The following CDK5RAP1 variants were observed in gnomAD, a reference collection of about 807,000 sequenced individuals.
The protein encoded by CDK5RAP1 is mitochondrial tRNA methylthiotransferase CDK5RAP1.
Under a neutral mutation model 64.5 loss-of-function variants are expected in CDK5RAP1, and 62 were observed. The observed-to-expected ratio is 0.96, with a 90% CI of 0.78 to 1.19. The LOEUF (loss-of-function observed/expected upper bound fraction) is 1.19. Ranked by LOEUF, CDK5RAP1 falls within the 50% of genes most tolerant of loss-of-function variation. The probability of loss-of-function intolerance (pLI) is 0.00; values close to 1 mark genes in which losing one functional copy is unlikely to be tolerated. For synonymous variants in CDK5RAP1, 250 were observed against 261.9 expected (o/e 0.95, Z 0.44); for missense variants, 657 against 735.0 (o/e 0.89, Z 1.23).
chr20:33,378,233 CA>C (rs1390638337), intron 8 of CDK5RAP1, among the ~76,000 whole-genome samples: 1 of 152,082 alleles, frequency 6.6e-6, no homozygotes, highest in African/African-American at 2.4e-5. Context: ...GGCCCAATTT[CA>C]ATATTGTTGT....
intron 4 of CDK5RAP1, among the ~76,000 whole-genome samples, chr20:33,392,606 T>C (rs1988445131): frequency 6.6e-6 from 1 of 152,076 alleles, no homozygotes; most frequent in African/African-American, 2.4e-5. Flanking sequence ...AATGTGTATC[T>C]GCCATTCAGA....
intron 10 of CDK5RAP1, 139 bp from the exon 11 acceptor site, chr20:33,370,768 TAC>T: frequency 1.2e-6 from 1 of 808,198 alleles, no homozygotes; most frequent in South Asian, 1.7e-5. Context: ...AACAAAATAG[TAC>T]AGAGTAAGGC....
chr20:33,367,784 T>C (rs1984266872), intron 11 of CDK5RAP1, among the ~76,000 whole-genome samples: 1 of 152,242 alleles, frequency 6.6e-6, no homozygotes, highest in African/African-American at 2.4e-5. Flanking sequence ...GTGTGTATTA[T>C]ATCTTTATGA....
At position 33,366,857 on chromosome 20, in the gene CDK5RAP1, A is replaced by AC; in HGVS notation, c.1542+1dup. On this transcript the variant is annotated splice_donor_variant, in intron 12 of 13. Transcript: ENST00000346416. LOFTEE classifies it high-confidence loss of function. ...ACATAACACACACACATATGGCCTCACCCCTTCCACTAGCACCAACTGGGT... is the reference window on the plus strand; with the variant it reads ...ACATAACACACACACATATGGCCTCACCCCCTTCCACTAGCACCAACTGGGT... The AC allele has an allele frequency of 6.2e-7, 1 of 1,611,664 alleles. No individual in the cohort carries two copies. Among genetic ancestry groups the AC allele is most frequent in the Non-Finnish European group, 8.5e-7 (1 of 1,179,336 alleles).
intron 11 of CDK5RAP1, among the ~76,000 whole-genome samples, chr20:33,369,352 G>A (rs551509276): frequency 7.4e-4 from 109 of 147,782 alleles, no homozygotes; most frequent in African/African-American, 2.6e-3. Flanking sequence ...GCATGGTGGC[G>A]GGTGCCTGTA....
intron 9 of CDK5RAP1, chr20:33,373,176 CTG>C (rs1351952773): frequency 6.3e-5 from 3 of 47,268 alleles, no homozygotes; most frequent in Non-Finnish European, 1.4e-4. Flanking sequence ...GTGTGTGTGT[CTG>C]TGTGTGTAGG....
rs745552992 is a variant in CDK5RAP1 at position 33,393,989 on chromosome 20, T to C, written c.443+43A>G. The C allele has an allele frequency of 1.9e-5, 26 of 1,402,694 alleles. No individual in the cohort carries two copies. The Admixed American group carries it at 4.0e-4, about 22-fold the overall frequency. 86.9% of individuals were successfully genotyped at this position (1,402,694 alleles called of 1,614,324 possible). On this transcript the variant is annotated intron_variant, in intron 4 of 13. Coordinates refer to ENST00000346416, the MANE Select transcript of CDK5RAP1 (RefSeq NM_016408.4). Reference sequence around the variant, plus strand: ...CAGGCACTGTTAGCTCTGGCATTATTACATAAAATACATTCACTCCTAGGA... The same window carrying C: ...CAGGCACTGTTAGCTCTGGCATTATCACATAAAATACATTCACTCCTAGGA...
At chr20:33,400,225 G>A (rs905351145) in intron 1 of CDK5RAP1, among the ~76,000 whole-genome samples, 19 of 152,236 alleles carry the variant, frequency 1.2e-4, no homozygotes, top group African/African-American at 4.1e-4. Flanking sequence ...ACAGGCCACA[G>A]ACAGGTACCA....
rs762203047 is a variant in CDK5RAP1, at chr20:33,392,144, A to G, written c.542T>C (p.Leu181Pro). The part of the protein sequence containing the change: ...RSRVPLRIGI[L>P]GCMAERLKEE... Reference sequence around the variant, plus strand: ...AAAATGTGCAAATTACCAGATACCTAGAATTCCAATCCTCAGAGGAACCCG... The same window carrying G: ...AAAATGTGCAAATTACCAGATACCTGGAATTCCAATCCTCAGAGGAACCCG... The change falls in exon 5 of 14, where the codon CTA (leucine) becomes CCA (proline). Residue 181 changes from leucine to proline, a missense_variant and splice_region_variant. Transcript: ENST00000346416. 43 of 1,595,662 alleles carry G rather than the reference A, an allele frequency of 2.7e-5. No individual in the cohort carries two copies. The highest frequency in any genetic ancestry group is 3.6e-5 in the Non-Finnish European group (42 of 1,166,024).
intron 6 of CDK5RAP1, among the ~76,000 whole-genome samples, chr20:33,386,102 T>C (rs925427607): frequency 1.3e-5 from 2 of 152,234 alleles, no homozygotes; most frequent in East Asian, 3.8e-4. Context: ...AGTCTCACTC[T>C]GTCACCAGGC....
intron 2 of CDK5RAP1, among the ~76,000 whole-genome samples, 182 bp from the exon 3 acceptor site, chr20:33,395,298 C>T (rs1037584564): frequency 6.6e-6 from 1 of 152,072 alleles, no homozygotes; most frequent in African/African-American, 2.4e-5. Context: ...TAATGATAGA[C>T]CTTCAGAACA....
rs370322586 is a variant in CDK5RAP1 at position 33,388,178 on chromosome 20, G to A, written c.545-645C>T. ...CTGAAATAAAAAGTATTCTGTGTCT[G>A]GAACTTACTTACCCACAACTACACT... On this transcript the variant is annotated intron_variant, in intron 5 of 13. Transcript: ENST00000346416. 2.0e-4 allele frequency among the ~76,000 whole-genome samples: 30 copies of A among 152,070 alleles called. No individual in the cohort carries two copies. In the East Asian group the frequency reaches 5.6e-3, roughly 28 times the overall value.
At chr20:33,389,617 G>C (rs574284493) in intron 5 of CDK5RAP1, among the ~76,000 whole-genome samples, 2 of 151,174 alleles carry the variant, frequency 1.3e-5, no homozygotes, top group African/African-American at 2.4e-5. Flanking sequence ...CAGCCGCCCC[G>C]TCCAGGAGGT....
At chr20:33,364,247 G>A (rs1272959258) in intron 12 of CDK5RAP1, among the ~76,000 whole-genome samples, 1 of 148,440 alleles carries the variant, frequency 6.7e-6, no homozygotes, top group African/African-American at 2.5e-5. Context: ...GGAGTGCAGT[G>A]GCGCAATCTT....
At chr20:33,359,746 C>T (rs1033795983) in intron 13 of CDK5RAP1, 2 of 155,040 alleles carry the variant, frequency 1.3e-5, no homozygotes, top group Non-Finnish European at 2.9e-5. Flanking sequence ...CTGCCAGCTT[C>T]TGGTTCTGAG....
At chr20:33,375,622 AG>A (rs1985873050) in intron 8 of CDK5RAP1, among the ~76,000 whole-genome samples, 1 of 152,064 alleles carries the variant, frequency 6.6e-6, no homozygotes, top group Non-Finnish European at 1.5e-5. Flanking sequence ...CTCCAAAAAA[AG>A]GTTTCAGATG....
rs571614418 is a variant in CDK5RAP1 at position 33,391,201 on chromosome 20, C to T, written c.544+941G>A. Among the ~76,000 whole-genome samples the T allele has an allele frequency of 4.7e-5, 7 of 148,248 alleles. No individual in the cohort carries two copies. The South Asian group carries it at 1.5e-3, about 31-fold the overall frequency. ...CCCAGGAGTTGGAGGCTGCAGTGAGCCATGATCATGCCACTCCAGTCTGGG... is the reference window on the plus strand; with the variant it reads ...CCCAGGAGTTGGAGGCTGCAGTGAGTCATGATCATGCCACTCCAGTCTGGG... On this transcript the variant is annotated intron_variant, in intron 5 of 13. Coordinates refer to ENST00000346416, the MANE Select transcript of CDK5RAP1 (RefSeq NM_016408.4).
At chr20:33,400,435 G>C (rs1288032756) in intron 1 of CDK5RAP1, among the ~76,000 whole-genome samples, 1 of 152,164 alleles carries the variant, frequency 6.6e-6, no homozygotes, top group African/African-American at 2.4e-5. Flanking sequence ...ATTGCTGTGT[G>C]ACCTTTGGCA....
In CDK5RAP1 at chr20:33,401,473, G is replaced by A; in HGVS notation, c.-66C>T. ...CCCGGGGTCCCGCAGCGTAAGTTCT[G>A]CCGGCAAGTCGGATCCCCTCACAGG... On this transcript the variant is annotated 5_prime_UTR_variant, in exon 1 of 14. Coordinates refer to ENST00000346416, the MANE Select transcript of CDK5RAP1 (RefSeq NM_016408.4). 1.0e-6 allele frequency: 1 copy of A among 985,442 alleles called. No homozygotes were observed. The highest frequency in any genetic ancestry group is 1.2e-6 in the Non-Finnish European group (1 of 829,932). The allele number at this position is 985,442 out of a possible 1,614,324, so 61.0% of individuals were successfully genotyped here. A position where few individuals can be genotyped will look rare whatever the true frequency, so the allele number is the denominator to read the frequency against.
Sources: gnomAD v4.1 joint callset for allele counts (sites outside exome capture counted in the v4.1 genomes callset) on GRCh38, gnomAD v4.1.1 for gene constraint, MANE v1.5 for transcripts, NCBI Gene and HGNC (gene_info 2026-07-23, HGNC 2026-07-21) for gene names.